Variants in PHYH observed in about 807,000 individuals in gnomAD.
The protein encoded by PHYH is phytanoyl-CoA dioxygenase, peroxisomal.
A neutral mutation model predicts 38.5 loss-of-function variants in PHYH; 32 were observed. That is an observed-to-expected ratio of 0.83 (90% CI 0.63 to 1.12). The LOEUF (loss-of-function observed/expected upper bound fraction) is 1.12, where lower values mean the gene tolerates loss of function less well. Among genes scored for constraint, PHYH ranks in the 50% most tolerant of loss-of-function variants. The pLI is 0.00. For synonymous variants in PHYH, 166 were observed against 157.9 expected, an observed-to-expected ratio of 1.05 and a Z score of -0.38; for missense variants, 426 against 434.8, an observed-to-expected ratio of 0.98 and a Z score of 0.18.
rs754281074 is a variant in PHYH, at chr10:13,295,601, G to A, written c.140C>T (p.Thr47Ile). The A allele has an allele frequency of 3.5e-6, 4 of 1,157,050 alleles. No individual in the cohort carries two copies. Among genetic ancestry groups the A allele is most frequent in the African/African-American group, 3.0e-5 (2 of 66,806 alleles). The allele number at this position is 1,157,050 out of a possible 1,614,324, so 71.7% of individuals were successfully genotyped here. A position where few individuals can be genotyped will look rare whatever the true frequency, so the allele number is the denominator to read the frequency against. ...CAGGGTTAGAACGTTATTATCCAGA[G>A]TATACCTAAAGGAGAAAAAGAATCC... is the stretch of plus-strand genomic sequence containing the variant. ...ASFHPQQFQY[T>I]LDNNVLTLEQ... Residue 47 changes from threonine (T) to isoleucine (I), a missense_variant, in exon 3 of 9, where the codon ACT (threonine) becomes ATT (isoleucine). Physicochemically the swap from Thr to Ile is moderately conservative, Grantham distance 89. Coordinates refer to ENST00000263038, the MANE Select transcript of PHYH (RefSeq NM_006214.4).
chr10:13,294,926 T>C (rs1308283709), intron 3 of PHYH: 20 of 386,916 alleles, frequency 5.2e-5, no homozygotes, highest in Non-Finnish European at 4.9e-6. Context: ...TTTCACCGTA[T>C]TTAGTCCTAA....
At chr10:13,279,816 T>G (rs748981139) in intron 8 of PHYH, among the ~76,000 whole-genome samples, 3 of 152,202 alleles carry the variant, frequency 2.0e-5, no homozygotes, top group African/African-American at 4.8e-5. Flanking sequence ...TTTAGGATGT[T>G]AGCTCAAAGC....
At chr10:13,292,960 A>G (rs1485474273) in intron 4 of PHYH, among the ~76,000 whole-genome samples, 2 of 151,618 alleles carry the variant, frequency 1.3e-5, no homozygotes, top group African/African-American at 4.8e-5. Flanking sequence ...AAGAAGAAGA[A>G]GAAGAAAATA....
intron 2 of PHYH, among the ~76,000 whole-genome samples, chr10:13,296,529 C>T (rs1835856083): frequency 6.9e-6 from 1 of 145,154 alleles, no homozygotes; most frequent in African/African-American, 2.6e-5. Flanking sequence ...CACCAGTGCA[C>T]TCCAGCCTGG....
intron 7 of PHYH, among the ~76,000 whole-genome samples, chr10:13,282,394 C>A (rs1224271682): frequency 6.6e-6 from 1 of 152,048 alleles, no homozygotes; most frequent in Non-Finnish European, 1.5e-5. Flanking sequence ...AGTTCGAGAC[C>A]AGATTGGCCA....
intron 2 of PHYH, among the ~76,000 whole-genome samples, chr10:13,296,368 G>C (rs966762088): frequency 6.6e-6 from 1 of 151,268 alleles, no homozygotes; most frequent in African/African-American, 2.4e-5. Context: ...CCTGAGGTCG[G>C]GAGTTCGAGA....
Position 13,294,516 on chromosome 10 carries a change from G to A in PHYH, c.326C>T (p.Ser109Phe), listed in dbSNP as rs865834105. ...TVMRDVTISK[S>F]EYAPSEKMIT... The stretch of plus-strand genomic sequence containing the variant: ...CATCTTCTCACTTGGAGCATATTCG[G>A]ATTTCGAAATGGTCACATCTCTCAT... The change falls in exon 4 of 9, where the codon TCC becomes TTC. Residue 109 changes from serine to phenylalanine, a missense_variant. Coordinates refer to ENST00000263038, the MANE Select transcript of PHYH (RefSeq NM_006214.4). The A allele has an allele frequency of 6.2e-7, 1 of 1,613,926 alleles. No homozygotes were observed. Among genetic ancestry groups the A allele is most frequent in the Non-Finnish European group, 8.5e-7 (1 of 1,179,824 alleles).
chr10:13,288,731 C>CAACAA lies in PHYH; in HGVS notation c.497-195_497-191dup, dbSNP rs563842973. Among the ~76,000 whole-genome samples the CAACAA allele has an allele frequency of 2.6e-4, 39 of 151,814 alleles. No homozygotes were observed. In the East Asian group the frequency reaches 3.9e-3, roughly 15 times the overall value. On this transcript the variant is annotated intron_variant, in intron 5 of 8. Transcript: ENST00000263038. ...GACTCCGTTTCTACAGAAAACAAAACAACAAAACAAAACAAAACAACAAAA... is the reference window on the plus strand; with the variant it reads ...GACTCCGTTTCTACAGAAAACAAAACAACAAAACAAAACAAAACAAAACAACAAAA...
At chr10:13,288,687 A>T (rs1835622892) in intron 5 of PHYH, 146 bp from the exon 6 acceptor site, 1 of 731,274 alleles carries the variant, frequency 1.4e-6, no homozygotes. Context: ...GTTCAAAACC[A>T]TCCCGGGAAA....
intron 4 of PHYH, among the ~76,000 whole-genome samples, chr10:13,293,812 T>A (rs2131649471): frequency 6.6e-6 from 1 of 152,220 alleles, no homozygotes; most frequent in South Asian, 2.1e-4. Flanking sequence ...ACTGTTGAGT[T>A]TTTTTCCAAT....
At chr10:13,286,539 AAAAATATAAAAATTAGCTG>A (rs1835554378) in intron 6 of PHYH, among the ~76,000 whole-genome samples, 1 of 152,028 alleles carries the variant, frequency 6.6e-6, no homozygotes, top group Non-Finnish European at 1.5e-5. Flanking sequence ...CGTCTCTACT[AAAAATATAAAAATTAGCTG>A]AGCATGGTGG....
chr10:13,298,842 A>C (rs1832653852), intron 1 of PHYH, among the ~76,000 whole-genome samples: 1 of 120,614 alleles, frequency 8.3e-6, no homozygotes, highest in Non-Finnish European at 1.8e-5. Flanking sequence ...TGAACCTGGG[A>C]GGCGGAGGTT....
intron 1 of PHYH, chr10:13,299,610 G>C (rs1832691993): frequency 3.7e-6 from 4 of 1,085,882 alleles, no homozygotes; most frequent in Non-Finnish European, 4.5e-6. Context: ...CCTGTGCACC[G>C]TGCGCCTGTG....
intron 4 of PHYH, among the ~76,000 whole-genome samples, chr10:13,292,949 A>AAAG (rs1564426868): frequency 4.0e-5 from 6 of 148,352 alleles, no homozygotes; most frequent in African/African-American, 1.5e-4. Flanking sequence ...AAAAAAAAAA[A>AAAG]AAGAAGAAGA....
chr10:13,288,726 C>A (rs1288982679), intron 5 of PHYH, among the ~76,000 whole-genome samples, 185 bp from the exon 6 acceptor site: 3 of 151,684 alleles, frequency 2.0e-5, no homozygotes, highest in African/African-American at 7.3e-5. Flanking sequence ...CTACAGAAAA[C>A]AAAACAACAA....
intron 6 of PHYH, among the ~76,000 whole-genome samples, chr10:13,286,092 T>A (rs1835542131): frequency 6.6e-6 from 1 of 151,828 alleles, no homozygotes; most frequent in Non-Finnish European, 1.5e-5. Flanking sequence ...TATTATTATT[T>A]TTAGAAATGA....
chr10:13,283,985 A>AT (rs570812472), intron 6 of PHYH, 146 bp from the exon 7 acceptor site: 5 of 856,434 alleles, frequency 5.8e-6, no homozygotes, highest in Non-Finnish European at 9.8e-6. Context: ...AAATGCTTAC[A>AT]TTTTTTTCAG....
chr10:13,281,764 T>C (rs1157910317), intron 7 of PHYH, among the ~76,000 whole-genome samples: 3 of 152,202 alleles, frequency 2.0e-5, no homozygotes, highest in African/African-American at 7.2e-5. Context: ...TCACAAGTGA[T>C]CACACTTGTC....
intron 8 of PHYH, among the ~76,000 whole-genome samples, 153 bp downstream of exon 8, chr10:13,280,823 A>C (rs189338530): frequency 1.3e-5 from 2 of 152,176 alleles, no homozygotes; most frequent in Non-Finnish European, 2.9e-5. Flanking sequence ...TGGAAATTCC[A>C]TTGTCATTTT....
Sources: gnomAD v4.1 joint callset for allele counts (sites outside exome capture counted in the v4.1 genomes callset) on GRCh38, gnomAD v4.1.1 for gene constraint, MANE v1.5 for transcripts, NCBI Gene and HGNC (gene_info 2026-07-23, HGNC 2026-07-21) for gene names.